Variants in PTPN13 observed in about 807,000 individuals in gnomAD.
The protein encoded by PTPN13 is protein tyrosine phosphatase non-receptor type 13, also known as tyrosine-protein phosphatase non-receptor type 13.
In PTPN13, 191 loss-of-function variants were observed where a neutral mutation model predicts 284.0. The ratio of observed to expected loss-of-function variants is 0.67; its 90% CI spans 0.60 to 0.76. PTPN13 has a LOEUF of 0.76. Among genes scored for constraint, PTPN13 ranks in the 30% least tolerant of loss-of-function variants. PTPN13 has a pLI of 0.00. For synonymous variants in PTPN13, 986 were observed against 1,022.3 expected (o/e 0.96, Z 0.68); for missense variants, 2,797 against 2,939.9 (o/e 0.95, Z 1.12).
chr4:86,754,651 C>G (rs1737772600), intron 20 of PTPN13, among the ~76,000 whole-genome samples: 1 of 151,954 alleles, frequency 6.6e-6, no homozygotes, highest in African/African-American at 2.4e-5. Context: ...TGTGATCATG[C>G]CTAAGTATTA....
chr4:86,731,212 C>A (rs187847690), intron 10 of PTPN13, among the ~76,000 whole-genome samples: 2 of 152,148 alleles, frequency 1.3e-5, no homozygotes, highest in Admixed American at 1.3e-4. Context: ...TTGCTTCTGG[C>A]CTCAAGATTA....
At chr4:86,635,582 A>C (rs946233125) in intron 2 of PTPN13, among the ~76,000 whole-genome samples, 1 of 152,204 alleles carries the variant, frequency 6.6e-6, no homozygotes, top group Admixed American at 6.6e-5. Flanking sequence ...CCAATATTAC[A>C]CCAGGCAGCA....
In PTPN13 at chr4:86,796,698, G is replaced by C. The variant is rs978993360; in HGVS notation, c.6346-176G>C. Among the ~76,000 whole-genome samples the C allele has an allele frequency of 2.0e-5, 3 of 152,222 alleles. No homozygotes were observed. In the East Asian group the frequency reaches 5.8e-4, roughly 29 times the overall value. On this transcript the variant is annotated intron_variant, in intron 40 of 47. Transcript: ENST00000411767. Reference sequence around the variant, plus strand: ...CTAAGTGGGAGCAGCAAAGACTGTTGGGCCACTGATGCCTCAGCCACTGTT... The same window carrying C: ...CTAAGTGGGAGCAGCAAAGACTGTTCGGCCACTGATGCCTCAGCCACTGTT...
intron 3 of PTPN13, among the ~76,000 whole-genome samples, chr4:86,684,305 G>A (rs1464017644): frequency 6.6e-6 from 1 of 152,200 alleles, no homozygotes; most frequent in Non-Finnish European, 1.5e-5. Context: ...GTAATGGCCA[G>A]AGACAATATT....
intron 2 of PTPN13, among the ~76,000 whole-genome samples, chr4:86,658,259 A>G (rs1388882563): frequency 6.6e-6 from 1 of 152,028 alleles, no homozygotes; most frequent in Non-Finnish European, 1.5e-5. Flanking sequence ...AAAGTCCCCC[A>G]CTAACTTCAC....
At chr4:86,736,728 G>A (rs1735562322) in intron 15 of PTPN13, among the ~76,000 whole-genome samples, 1 of 152,190 alleles carries the variant, frequency 6.6e-6, no homozygotes. Context: ...ATGAGGATTT[G>A]CAGACAGACA....
At position 86,689,182 on chromosome 4, in the gene PTPN13, C is replaced by A; in HGVS notation, c.538C>A (p.Leu180Ile). The change falls in exon 5 of 48, where the codon CTT (leucine) becomes ATT (isoleucine). Residue 180 changes from leucine to isoleucine, a missense_variant. Coordinates refer to ENST00000411767, the MANE Select transcript of PTPN13 (RefSeq NM_080683.3). The part of the protein sequence containing the change: ...KHLVKLVLGN[L>I]SGTDQLSCNS... ...CTTGGTAAAACTGGTTCTGGGAAAT[C>A]TTTCTGGGGTAAGCTACAGTTACAA... 1 of 1,611,666 alleles carries A rather than the reference C, an allele frequency of 6.2e-7. No individual in the cohort carries two copies. Among genetic ancestry groups the A allele is most frequent in the Non-Finnish European group, 8.5e-7 (1 of 1,177,936 alleles).
chr4:86,653,314 G>A (rs2148815772), intron 2 of PTPN13, among the ~76,000 whole-genome samples: 1 of 152,204 alleles, frequency 6.6e-6, no homozygotes, highest in Admixed American at 6.5e-5. Flanking sequence ...GTTCATTGAT[G>A]TCTGGGCATT....
chr4:86,737,536 A>G (rs1735661913), intron 15 of PTPN13, among the ~76,000 whole-genome samples: 1 of 152,020 alleles, frequency 6.6e-6, no homozygotes, highest in South Asian at 2.1e-4. Flanking sequence ...AGAAAAGTTT[A>G]CCAACTCCTG....
At chr4:86,716,816 G>C (rs1231575563) in intron 8 of PTPN13, among the ~76,000 whole-genome samples, 191 bp downstream of exon 8, 1 of 152,160 alleles carries the variant, frequency 6.6e-6, no homozygotes, top group Non-Finnish European at 1.5e-5. Context: ...AAATAACGAT[G>C]TAGTCCTTTT....
At chr4:86,652,399 C>A (rs1200818342) in intron 2 of PTPN13, among the ~76,000 whole-genome samples, 1 of 152,162 alleles carries the variant, frequency 6.6e-6, no homozygotes, top group African/African-American at 2.4e-5. Context: ...CATAAACATT[C>A]TTCCAGATTG....
intron 2 of PTPN13, among the ~76,000 whole-genome samples, chr4:86,669,402 T>C (rs1462563790): frequency 6.6e-6 from 1 of 151,154 alleles, no homozygotes; most frequent in Non-Finnish European, 1.5e-5. Context: ...GTTTCATCAT[T>C]ACACATTGTA....
intron 10 of PTPN13, among the ~76,000 whole-genome samples, chr4:86,726,834 A>G (rs1440548877): frequency 2.7e-5 from 4 of 149,510 alleles, no homozygotes; most frequent in African/African-American, 9.8e-5. Flanking sequence ...CCCTAACCAG[A>G]ACTTCCAACA....
chr4:86,775,413 A>G (rs970234814), intron 34 of PTPN13, 29 bp from the exon 35 acceptor site: 1 of 1,597,846 alleles, frequency 6.3e-7, no homozygotes. Context: ...TTTATGACTG[A>G]GAAAACAAAT....
intron 2 of PTPN13, chr4:86,661,308 G>T: frequency 8.2e-6 from 2 of 243,186 alleles, no homozygotes; most frequent in Non-Finnish European, 1.7e-5. Context: ...TGTGACTAAG[G>T]CTTTTACAGA....
intron 4 of PTPN13, among the ~76,000 whole-genome samples, chr4:86,688,258 G>T (rs1200253146): frequency 6.6e-6 from 1 of 152,166 alleles, no homozygotes; most frequent in Non-Finnish European, 1.5e-5. Flanking sequence ...GGATATACCA[G>T]TTTAAACTCC....
At chr4:86,787,345 C>T (rs1287877124) in intron 40 of PTPN13, among the ~76,000 whole-genome samples, 1 of 152,030 alleles carries the variant, frequency 6.6e-6, no homozygotes, top group African/African-American at 2.4e-5. Flanking sequence ...GTAATCCCAG[C>T]ACTCTGGGAG....
Position 86,784,347 on chromosome 4 carries a change from G to A in PTPN13, c.6025-118G>A, listed in dbSNP as rs907135123. 204 of 645,544 alleles carry A rather than the reference G, an allele frequency of 3.2e-4. 1 individual carries two copies. Among genetic ancestry groups the A allele is most frequent in the Non-Finnish European group, 6.6e-5 (25 of 379,760 alleles). 40.0% of individuals were successfully genotyped at this position (645,544 alleles called of 1,614,324 possible). A position where few individuals can be genotyped will look rare whatever the true frequency, so the allele number is the denominator to read the frequency against. The stretch of plus-strand genomic sequence containing the variant: ...TCCTTTCAAACACTGATCTAAGGTG[G>A]AGAGATGTAAAATGGATCTTGTACT... On this transcript the variant is annotated intron_variant, in intron 37 of 47. Transcript: ENST00000411767.
chr4:86,675,513 A>G (rs1181723908), intron 3 of PTPN13, among the ~76,000 whole-genome samples: 1 of 152,186 alleles, frequency 6.6e-6, no homozygotes, highest in East Asian at 1.9e-4. Flanking sequence ...TTGATGACAT[A>G]TAAATTTTTT....
Sources: allele counts gnomAD v4.1 joint callset (sites outside exome capture counted in the v4.1 genomes callset), GRCh38; gene constraint gnomAD v4.1.1; transcripts MANE v1.5; gene names NCBI Gene and HGNC (gene_info 2026-07-23, HGNC 2026-07-21).